The following HDAC8 variants were observed in gnomAD, a reference collection of about 807,000 sequenced individuals.
HDAC8 encodes histone deacetylase 8, also known as histone deacetylase-like 1.
In HDAC8, 1 loss-of-function variant was observed where a neutral mutation model predicts 32.2. The ratio of observed to expected loss-of-function variants is 0.03; its 90% CI spans 0.01 to 0.15. The LOEUF (loss-of-function observed/expected upper bound fraction) is 0.15, where lower values mean the gene tolerates loss of function less well. HDAC8 is among the 10% of genes least tolerant of loss of function. The pLI is 1.00. For synonymous variants in HDAC8, 108 were observed against 113.9 expected, an observed-to-expected ratio of 0.95 and a Z score of 0.33; for missense variants, 117 against 300.0, an observed-to-expected ratio of 0.39 and a Z score of 4.51.
intron 9 of HDAC8, among the ~76,000 whole-genome samples, chrX:72,422,605 T>A (rs1201090122): frequency 8.9e-6 from 1 of 112,151 alleles, no homozygotes; most frequent in East Asian, 2.8e-4. Flanking sequence ...TATACATGGA[T>A]ACTTTTGTTT....
In HDAC8 at chrX:72,339,363, G is replaced by A. The variant is rs186676917; in HGVS notation, c.1112-9287C>T. Among the ~76,000 whole-genome samples the A allele has an allele frequency of 1.9e-3, 217 of 112,466 alleles. 1 individual carries two copies. The highest frequency in any genetic ancestry group is 2.8e-3 in the Non-Finnish European group (149 of 53,315). On this transcript the variant is annotated intron_variant, in intron 10 of 10. Transcript: ENST00000373573. Reference sequence around the variant, plus strand: ...TTGCCGTGAAGGAGTTCTTGGCCTCGTGAGGAAGACATATATGGAGGCAAA... The same window carrying A: ...TTGCCGTGAAGGAGTTCTTGGCCTCATGAGGAAGACATATATGGAGGCAAA...
At chrX:72,420,121 G>A (rs1223985779) in intron 9 of HDAC8, among the ~76,000 whole-genome samples, 2 of 111,478 alleles carry the variant, frequency 1.8e-5, no homozygotes, top group African/African-American at 6.5e-5. Context: ...CATAGAATGA[G>A]CTGGGAAGTG....
At chrX:72,467,363 T>C (rs1216654142) in intron 7 of HDAC8, 1 of 111,835 alleles carries the variant, frequency 8.9e-6, no homozygotes, top group Non-Finnish European at 1.9e-5. Flanking sequence ...CCCTGTACAT[T>C]TTTTTGCAAC....
intron 4 of HDAC8, among the ~76,000 whole-genome samples, chrX:72,513,327 A>AC (rs2049657959): frequency 9.4e-6 from 1 of 106,405 alleles, no homozygotes; most frequent in Admixed American, 1.0e-4. Flanking sequence ...TTTTCTAATT[A>AC]CTTTTTTTTT....
chrX:72,459,148 C>T (rs2047800499), intron 9 of HDAC8, among the ~76,000 whole-genome samples: 1 of 111,773 alleles, frequency 8.9e-6, no homozygotes, highest in South Asian at 3.8e-4. Context: ...TGGATGTGAG[C>T]ACATTGTTCT....
intron 4 of HDAC8, among the ~76,000 whole-genome samples, chrX:72,557,044 G>A (rs2051307627): frequency 9.0e-6 from 1 of 111,308 alleles, no homozygotes; most frequent in Non-Finnish European, 1.9e-5. Flanking sequence ...GTAAAACCCC[G>A]TCTCTACTAA....
intron 9 of HDAC8, among the ~76,000 whole-genome samples, chrX:72,353,228 T>G (rs782474619): frequency 8.9e-6 from 1 of 112,336 alleles, no homozygotes; most frequent in East Asian, 2.8e-4. Context: ...AACAGTGTCT[T>G]TGTAGATTCC....
chrX:72,338,447 C>A (rs527757061), intron 10 of HDAC8, among the ~76,000 whole-genome samples: 1 of 109,461 alleles, frequency 9.1e-6, no homozygotes, highest in Non-Finnish European at 1.9e-5. Flanking sequence ...AAGTTCTGAA[C>A]GCAATCAGCA....
At chrX:72,359,668 C>T (rs947825188) in intron 9 of HDAC8, among the ~76,000 whole-genome samples, 2 of 111,069 alleles carry the variant, frequency 1.8e-5, no homozygotes, top group South Asian at 3.8e-4. Flanking sequence ...AGCTGGGTGA[C>T]TGATGTAGAG....
intron 10 of HDAC8, among the ~76,000 whole-genome samples, chrX:72,333,348 T>C (rs2043585217): frequency 8.9e-6 from 1 of 111,877 alleles, no homozygotes. Flanking sequence ...TCTAGAGCTA[T>C]TCCCTGCACA....
chrX:72,528,379 T>A (rs956026854), intron 4 of HDAC8, among the ~76,000 whole-genome samples: 1 of 111,942 alleles, frequency 8.9e-6, no homozygotes, highest in African/African-American at 3.3e-5. Flanking sequence ...AAAATTAGAT[T>A]AATCTGTGTG....
At chrX:72,449,680 C>T (rs1481712678) in intron 9 of HDAC8, among the ~76,000 whole-genome samples, 2 of 110,454 alleles carry the variant, frequency 1.8e-5, no homozygotes, top group African/African-American at 6.6e-5. Flanking sequence ...CTAAACACAC[C>T]ATTGGAAAGA....
chrX:72,531,489 AAG>A (rs2050337001), intron 4 of HDAC8, among the ~76,000 whole-genome samples: 1 of 111,947 alleles, frequency 8.9e-6, no homozygotes, highest in Admixed American at 9.5e-5. Context: ...AGTCTACTGT[AAG>A]ACCTACTAGT....
intron 2 of HDAC8, among the ~76,000 whole-genome samples, chrX:72,571,203 C>A (rs1322985561): frequency 8.9e-6 from 1 of 111,885 alleles, no homozygotes; most frequent in Non-Finnish European, 1.9e-5. Context: ...GGATTACAGG[C>A]GTGAGCCACC....
chrX:72,536,483 C>G (rs1205681176), intron 4 of HDAC8, among the ~76,000 whole-genome samples: 1 of 112,025 alleles, frequency 8.9e-6, no homozygotes, highest in African/African-American at 3.2e-5. Flanking sequence ...TTATGAAACT[C>G]ACATTTTTTC....
chrX:72,422,712 C>G (rs1337290309), intron 9 of HDAC8, among the ~76,000 whole-genome samples: 2 of 112,196 alleles, frequency 1.8e-5, no homozygotes, highest in African/African-American at 6.5e-5. Context: ...CCTCAGGCAT[C>G]TGGGTTGTTC....
chrX:72,458,090 T>C (rs185517278), intron 9 of HDAC8, among the ~76,000 whole-genome samples: 36 of 112,290 alleles, frequency 3.2e-4, no homozygotes, highest in South Asian at 1.5e-3. Flanking sequence ...TTATACATAA[T>C]AATCCATGTG....
chrX:72,561,017 A>G (rs1204707862), intron 4 of HDAC8, among the ~76,000 whole-genome samples: 7 of 112,135 alleles, frequency 6.2e-5, no homozygotes, highest in Non-Finnish European at 1.3e-4. Context: ...TTTTACAAGG[A>G]AAACTACAAA....
chrX:72,350,227 C>T (rs781856703), intron 10 of HDAC8, among the ~76,000 whole-genome samples: 4 of 111,092 alleles, frequency 3.6e-5, no homozygotes, highest in East Asian at 2.8e-4. Context: ...TATAGGGTCG[C>T]GAGAAGGCTG....
Sources: allele counts gnomAD v4.1 joint callset (sites outside exome capture counted in the v4.1 genomes callset), GRCh38; gene constraint gnomAD v4.1.1; transcripts MANE v1.5; gene names NCBI Gene and HGNC (gene_info 2026-07-23, HGNC 2026-07-21).